The following VIL1 variants were observed in gnomAD, a reference collection of about 807,000 sequenced individuals.
VIL1 encodes villin 1, also known as villin-1.
Under a neutral mutation model 104.0 loss-of-function variants are expected in VIL1, and 86 were observed. The observed-to-expected ratio is 0.83, with a 90% confidence interval of 0.69 to 0.99. The LOEUF (loss-of-function observed/expected upper bound fraction) is 0.99. Among genes scored for constraint, VIL1 ranks in the 50% least tolerant of loss-of-function variants. The pLI is 0.00. For missense variants in VIL1, 944 were observed against 1,054.1 expected, an observed-to-expected ratio of 0.90 and a Z score of 1.45; for synonymous variants, 394 against 412.6, an observed-to-expected ratio of 0.95 and a Z score of 0.55.
At chr2:218,421,011 G>C (rs949759196) in intron 1 of VIL1, among the ~76,000 whole-genome samples, 1 of 152,128 alleles carries the variant, frequency 6.6e-6, no homozygotes, top group South Asian at 2.1e-4. Context: ...TGTGGTCAGG[G>C]GGCCAAGAGA....
At chr2:218,449,183 G>T in intron 19 of VIL1, 40 bp from the exon 20 acceptor site, 2 of 1,463,036 alleles carry the variant, frequency 1.4e-6, no homozygotes, top group East Asian at 2.3e-5. Context: ...AGGAAGGAAG[G>T]ATATGTGACC....
At chr2:218,440,654 GAGA>G (rs1428182130) in intron 18 of VIL1, 65 bp from the exon 19 acceptor site, 2 of 1,601,684 alleles carry the variant, frequency 1.2e-6, no homozygotes, top group Admixed American at 3.4e-5. Flanking sequence ...AGACTTCAGA[GAGA>G]AAGGCAGCCT....
chr2:218,434,466 T>A, intron 13 of VIL1, 60 bp from the exon 14 acceptor site: 1 of 1,516,342 alleles, frequency 6.6e-7, no homozygotes, highest in Non-Finnish European at 9.0e-7. Flanking sequence ...CTGTTCCCCA[T>A]CATCTTCTTT....
chr2:218,419,451 G>A (rs939822074), intron 1 of VIL1, among the ~76,000 whole-genome samples: 1 of 152,104 alleles, frequency 6.6e-6, no homozygotes, highest in Non-Finnish European at 1.5e-5. Flanking sequence ...CAATTGCCCT[G>A]GAACTTCTAG....
At position 218,423,879 on chromosome 2, in the gene VIL1, C is replaced by T. The variant is rs764659454; in HGVS notation, c.75+26C>T. 10 of 1,613,156 alleles carry T rather than the reference C, an allele frequency of 6.2e-6. No individual in the cohort carries two copies. In the South Asian group the frequency reaches 1.1e-4, roughly 18 times the overall value. ...GTGAGGCCCTGTCTGGGCATGGGGG[C>T]TGCTCAGGCCTGGGGTGGAGGGAGG... is the stretch of plus-strand genomic sequence containing the variant. On this transcript the variant is annotated intron_variant, in intron 2 of 19. Transcript: ENST00000248444.
chr2:218,421,869 C>A (rs2106389260), intron 1 of VIL1, among the ~76,000 whole-genome samples: 1 of 152,294 alleles, frequency 6.6e-6, no homozygotes, highest in Admixed American at 6.5e-5. Flanking sequence ...CTTTAGAGAT[C>A]ATCGATTTAG....
In VIL1 at chr2:218,434,539, G is replaced by A. The variant is rs146529113; in HGVS notation, c.1514G>A (p.Arg505Gln). The change falls in exon 14 of 20, where the codon CGA becomes CAA. Residue 505 changes from arginine to glutamine, a missense_variant. By Grantham distance (43) the Arg-to-Gln change is conservative. Transcript: ENST00000248444. ...RMVVYQGGTS[R>Q]TNNLETGPST... The stretch of plus-strand genomic sequence containing the variant: ...CCTCACCTGCAGGGAGGCACCTCCC[G>A]AACTAACAACTTGGAGACCGGGCCC... 1,668 of 1,611,970 alleles carry A rather than the reference G, an allele frequency of 1.0e-3. 3 individuals are homozygous for A. The highest frequency in any genetic ancestry group is 3.1e-3 in the Middle Eastern group (19 of 6,046).
In VIL1 at chr2:218,429,580, T is replaced by C; in HGVS notation, c.771-17T>C. The C allele has an allele frequency of 1.2e-6, 2 of 1,614,116 alleles. No homozygotes were observed. Among genetic ancestry groups the C allele is most frequent in the Non-Finnish European group, 1.7e-6 (2 of 1,180,022 alleles). On this transcript the variant is annotated splice_polypyrimidine_tract_variant and intron_variant, in intron 7 of 19. Coordinates refer to ENST00000248444, the MANE Select transcript of VIL1 (RefSeq NM_007127.3). ...CTTGGGCCCCCTCCCCATCTATGCC[T>C]TGCTTCTGTCCTGCAGTGTGTCTGA...
At chr2:218,420,386 A>G (rs1688879313) in intron 1 of VIL1, among the ~76,000 whole-genome samples, 1 of 132,230 alleles carries the variant, frequency 7.6e-6, no homozygotes, top group Middle Eastern at 5.3e-3. Context: ...CCAGAATTGC[A>G]CCATTGCACT....
intron 1 of VIL1, among the ~76,000 whole-genome samples, chr2:218,421,888 CT>C (rs1191000018): frequency 6.6e-6 from 1 of 152,150 alleles, no homozygotes; most frequent in Non-Finnish European, 1.5e-5. Flanking sequence ...AGTTAACCCC[CT>C]AAGTTGACCC....
chr2:218,434,456 C>G (rs1689152345), intron 13 of VIL1, 70 bp from the exon 14 acceptor site: 2 of 1,506,776 alleles, frequency 1.3e-6, no homozygotes, highest in African/African-American at 1.4e-5. Flanking sequence ...CTATCCCCCT[C>G]TGTTCCCCAT....
chr2:218,440,896 C>T, intron 19 of VIL1, 34 bp downstream of exon 19: 1 of 1,611,836 alleles, frequency 6.2e-7, no homozygotes, highest in East Asian at 2.2e-5. Context: ...ACAAAGAAGT[C>T]CATTTGTTGG....
chr2:218,424,228 GGGTCCTGGT>G, intron 2 of VIL1, 40 bp from the exon 3 acceptor site: 6 of 1,554,818 alleles, frequency 3.9e-6, no homozygotes, highest in Non-Finnish European at 4.4e-6. Flanking sequence ...CCAGGCCTAG[GGGTCCTGGT>G]GGTCCAGGGC....
chr2:218,448,101 A>C (rs929812212), intron 19 of VIL1, among the ~76,000 whole-genome samples: 2 of 151,984 alleles, frequency 1.3e-5, no homozygotes, highest in African/African-American at 4.8e-5. Context: ...CTCTACAAAA[A>C]ATACAAAAAT....
rs1426358951 is a variant in VIL1, at chr2:218,429,329, G to A, written c.612G>A (p.Gly204=). 1 of 1,614,122 alleles carries A rather than the reference G, an allele frequency of 6.2e-7. No individual in the cohort carries two copies. The part of the protein sequence containing the change: ...AKEIRDQERG[G]RTYVGVVDGE... Reference sequence around the variant, plus strand: ...AGATCCGAGACCAGGAGCGGGGAGGGCGCACCTATGTAGGCGTGGTGGACG... The same window carrying A: ...AGATCCGAGACCAGGAGCGGGGAGGACGCACCTATGTAGGCGTGGTGGACG... The change falls in exon 7 of 20, where the codon GGG becomes GGA. Residue 204 remains glycine, a synonymous_variant. Coordinates refer to ENST00000248444, the MANE Select transcript of VIL1 (RefSeq NM_007127.3).
At chr2:218,443,844 A>G (rs962279806) in intron 19 of VIL1, among the ~76,000 whole-genome samples, 1 of 151,494 alleles carries the variant, frequency 6.6e-6, no homozygotes, top group Admixed American at 6.6e-5. Context: ...TAGTAGAGAT[A>G]CGGTTTCACC....
At chr2:218,425,575 G>A (rs768391369) in intron 3 of VIL1, 40 bp from the exon 4 acceptor site, 1 of 1,605,612 alleles carries the variant, frequency 6.2e-7, no homozygotes, top group Admixed American at 1.7e-5. Context: ...GGGGCTGTGG[G>A]AGCCCAGGGT....
In VIL1 at chr2:218,429,163, G is replaced by A. The variant is rs1689051708; in HGVS notation, c.568-122G>A. 4 of 1,121,638 alleles carry A rather than the reference G, an allele frequency of 3.6e-6. 1 individual carries two copies. In the South Asian group the frequency reaches 6.1e-5, roughly 17 times the overall value. 69.5% of individuals were successfully genotyped at this position (1,121,638 alleles called of 1,614,324 possible). A position where few individuals can be genotyped will look rare whatever the true frequency, so the allele number is the denominator to read the frequency against. On this transcript the variant is annotated intron_variant, in intron 6 of 19. Coordinates refer to ENST00000248444, the MANE Select transcript of VIL1 (RefSeq NM_007127.3). ...GACCCCTCCGACGGGGAAAAGCAGG[G>A]CAGGGGTCTCAACCCCTGTGGCTGC...
intron 19 of VIL1, among the ~76,000 whole-genome samples, chr2:218,446,201 G>T (rs1037102122): frequency 1.3e-5 from 2 of 152,050 alleles, no homozygotes; most frequent in Non-Finnish European, 2.9e-5. Context: ...ATTCACAGAA[G>T]AATATAAAAA....
Sources: gnomAD v4.1 joint callset for allele counts (sites outside exome capture counted in the v4.1 genomes callset) on GRCh38, gnomAD v4.1.1 for gene constraint, MANE v1.5 for transcripts, NCBI Gene and HGNC (gene_info 2026-07-23, HGNC 2026-07-21) for gene names.